The following HMGA2 variants were observed in gnomAD, a reference collection of about 807,000 sequenced individuals.
The protein encoded by HMGA2 is high mobility group protein HMGI-C.
Under a neutral mutation model 19.1 loss-of-function variants are expected in HMGA2, and 8 were observed. The ratio of observed to expected loss-of-function variants is 0.42; its 90% confidence interval spans 0.25 to 0.76. HMGA2 has a LOEUF of 0.76. HMGA2 is among the 30% of genes least tolerant of loss of function. The pLI, the probability that HMGA2 is intolerant of heterozygous loss-of-function variation, is 0.28. For missense variants in HMGA2, 109 were observed against 136.3 expected (o/e 0.80, Z 1.00); for synonymous variants, 60 against 48.8 (o/e 1.23, Z -0.96).
intron 4 of HMGA2, among the ~76,000 whole-genome samples, chr12:65,961,653 C>G (rs572115682): frequency 9.9e-5 from 15 of 152,134 alleles, no homozygotes; most frequent in Non-Finnish European, 1.8e-4. Flanking sequence ...ACAGCTCGCT[C>G]AGTCTTCGGG....
chr12:65,925,305 T>C (rs1476346278), intron 3 of HMGA2, among the ~76,000 whole-genome samples: 1 of 152,206 alleles, frequency 6.6e-6, no homozygotes, highest in African/African-American at 2.4e-5. Flanking sequence ...AAATTGACTT[T>C]TGGACAATTT....
intron 3 of HMGA2, among the ~76,000 whole-genome samples, chr12:65,844,851 T>A (rs1259651280): frequency 6.6e-6 from 1 of 152,156 alleles, no homozygotes; most frequent in African/African-American, 2.4e-5. Context: ...TTGTGTGGAG[T>A]GGCAAATTCT....
At chr12:65,930,327 C>T (rs182419081) in intron 3 of HMGA2, among the ~76,000 whole-genome samples, 23 of 152,296 alleles carry the variant, frequency 1.5e-4, no homozygotes, top group Admixed American at 1.4e-3. Context: ...ATGACCACCA[C>T]CTTAATCCTT....
In HMGA2 at chr12:65,825,593, C is replaced by T. The variant is rs1057411419; in HGVS notation, c.111+212C>T. ...CTCCGGGCGGGGAGGTGGGGAGCCG[C>T]GGCGGGCGGCCCGGGGAAGGCGGGA... On this transcript the variant is annotated intron_variant, in intron 1 of 4. Transcript: ENST00000403681. The surrounding 1 kb of genome is among the most constrained non-coding windows in gnomAD (Gnocchi z 4.4). Among the ~76,000 whole-genome samples the T allele has an allele frequency of 6.6e-6, 1 of 151,306 alleles. No homozygotes were observed. Among genetic ancestry groups the T allele is most frequent in the African/African-American group, 2.4e-5 (1 of 41,320 alleles).
At chr12:65,962,071 T>G (rs1258309744) in intron 4 of HMGA2, among the ~76,000 whole-genome samples, 1 of 152,220 alleles carries the variant, frequency 6.6e-6, no homozygotes, top group African/African-American at 2.4e-5. Context: ...AAGACTGTTA[T>G]AAGCTGTTTT....
At chr12:65,922,323 G>A (rs971019743) in intron 3 of HMGA2, among the ~76,000 whole-genome samples, 5 of 152,202 alleles carry the variant, frequency 3.3e-5, no homozygotes, top group African/African-American at 1.2e-4. Context: ...AGCTGCCTAA[G>A]ACCGTAGGAA....
chr12:65,881,677 T>A (rs1565719818), intron 3 of HMGA2: 1 of 693,966 alleles, frequency 1.4e-6, no homozygotes, highest in Non-Finnish European at 2.6e-6. Context: ...GGGAGAAATA[T>A]GAGAGGAGGA....
chr12:65,840,362 G>T (rs1870944631), intron 3 of HMGA2, among the ~76,000 whole-genome samples: 1 of 152,172 alleles, frequency 6.6e-6, no homozygotes, highest in Non-Finnish European at 1.5e-5. Context: ...AGCATCAGGG[G>T]ATGACTTTAA....
At chr12:65,917,685 G>T (rs935467202) in intron 3 of HMGA2, among the ~76,000 whole-genome samples, 1 of 152,166 alleles carries the variant, frequency 6.6e-6, no homozygotes, top group African/African-American at 2.4e-5. Context: ...GAAGGAAAGA[G>T]CAGTAAGAAC....
chr12:65,910,227 G>A (rs1874785925), intron 3 of HMGA2, among the ~76,000 whole-genome samples: 1 of 152,218 alleles, frequency 6.6e-6, no homozygotes, highest in Non-Finnish European at 1.5e-5. Context: ...CTTAGTCAGG[G>A]GAAGAGGCCT....
chr12:65,897,683 G>T (rs568175104), intron 3 of HMGA2, among the ~76,000 whole-genome samples: 9 of 152,202 alleles, frequency 5.9e-5, no homozygotes, highest in Admixed American at 1.3e-4. Flanking sequence ...AGAAAGGCCG[G>T]GCGTGGTGGC....
intron 3 of HMGA2, chr12:65,934,691 C>T (rs537741794): frequency 2.6e-4 from 39 of 152,310 alleles, no homozygotes; most frequent in African/African-American, 8.7e-4. Flanking sequence ...AAGTTCCTCA[C>T]TTGAAAGTGA....
At chr12:65,951,989 T>C (rs985580345) in intron 4 of HMGA2, 2 of 177,374 alleles carry the variant, frequency 1.1e-5, no homozygotes, top group African/African-American at 2.4e-5. Flanking sequence ...AAAATAGCTC[T>C]ACGTCTCTTG....
intron 3 of HMGA2, among the ~76,000 whole-genome samples, chr12:65,912,149 T>C (rs992479414): frequency 1.3e-5 from 2 of 152,206 alleles, no homozygotes. Flanking sequence ...ACCCTTACCA[T>C]ACTTCACAGA....
At chr12:65,913,699 G>A (rs2073081325) in intron 3 of HMGA2, among the ~76,000 whole-genome samples, 1 of 152,138 alleles carries the variant, frequency 6.6e-6, no homozygotes, top group Admixed American at 6.5e-5. Flanking sequence ...TTACTCACTA[G>A]CTGTTTGACC....
chr12:65,849,369 T>C (rs973679132), intron 3 of HMGA2, among the ~76,000 whole-genome samples: 2 of 152,220 alleles, frequency 1.3e-5, no homozygotes, highest in Non-Finnish European at 2.9e-5. Flanking sequence ...TGGACATTCT[T>C]GGCACTGGAT....
intron 2 of HMGA2, 172 bp downstream of exon 2, chr12:65,828,259 C>T: frequency 1.7e-6 from 1 of 599,168 alleles, no homozygotes; most frequent in Non-Finnish European, 3.1e-6. Context: ...TTTTTGTAAG[C>T]AGATGCTCAG....
At chr12:65,867,190 T>C (rs1481453872) in intron 3 of HMGA2, among the ~76,000 whole-genome samples, 1 of 152,246 alleles carries the variant, frequency 6.6e-6, no homozygotes, top group African/African-American at 2.4e-5. Context: ...TATCCCTGAA[T>C]GTGGCTAATG....
In HMGA2 at chr12:65,847,857, G is replaced by T. The variant is rs866074654; in HGVS notation, c.249+9288G>T. On this transcript the variant is annotated intron_variant, in intron 3 of 4. Transcript: ENST00000403681. ...TAGGATGACAGTTTTTCTTTAGTGT[G>T]TATAAAGGATGGCCTTTGAATTTTT... Among the ~76,000 whole-genome samples, 4 of 152,248 alleles carry T rather than the reference G, an allele frequency of 2.6e-5. No homozygotes were observed. In the South Asian group the frequency reaches 8.3e-4, roughly 32 times the overall value.
Sources: allele counts gnomAD v4.1 joint callset (sites outside exome capture counted in the v4.1 genomes callset), GRCh38; gene constraint gnomAD v4.1.1; non-coding constraint Gnocchi (gnomAD v3.1); transcripts MANE v1.5; gene names NCBI Gene and HGNC (gene_info 2026-07-23, HGNC 2026-07-21).